COL18A1: variants seen among roughly 807,000 people sequenced by gnomAD.
The protein encoded by COL18A1 is collagen type XVIII alpha 1 chain, also known as collagen alpha-1(XVIII) chain.
In COL18A1, 133 loss-of-function variants were observed where a neutral mutation model predicts 168.0. The observed-to-expected ratio is 0.79, with a 90% CI of 0.69 to 0.91. The LOEUF is 0.91. Ranked by LOEUF, COL18A1 falls within the 40% of genes least tolerant of loss-of-function variation. The pLI is 0.00. For synonymous variants in COL18A1, 949 were observed against 809.0 expected (o/e 1.17, Z -2.94); for missense variants, 2,126 against 1,925.4 (o/e 1.10, Z -1.95).
rs1328402434 is a variant in COL18A1, at chr21:45,442,817, A to C, written c.107-25425A>C. On this transcript the variant is annotated intron_variant, in intron 2 of 41. Coordinates refer to ENST00000651438, the MANE Select transcript of COL18A1 (RefSeq NM_001379500.1). ...GCGGTGGTGGTGCTGGTGTGGGCGG[A>C]GGTCCTGGTGTGGGCGGCGGTCCTG... Among the ~76,000 whole-genome samples, 46 of 56,074 alleles carry C rather than the reference A, an allele frequency of 8.2e-4. 2 individuals are homozygous for C. The highest frequency in any genetic ancestry group is 2.3e-3 in the African/African-American group (32 of 14,054). 36.8% of individuals were successfully genotyped at this position (56,074 alleles called of 152,430 possible). A position where few individuals can be genotyped will look rare whatever the true frequency, so the allele number is the denominator to read the frequency against.
In COL18A1 at chr21:45,498,586, G is replaced by A. The variant is rs1206403545; in HGVS notation, c.2683+925G>A. 16 of 716,094 alleles carry A rather than the reference G, an allele frequency of 2.2e-5. No individual in the cohort carries two copies. The highest frequency in any genetic ancestry group is 4.0e-5 in the Admixed American group (2 of 49,962). The allele number at this position is 716,094 out of a possible 1,614,324, so 44.4% of individuals were successfully genotyped here. On this transcript the variant is annotated intron_variant, in intron 32 of 41. Coordinates refer to ENST00000651438, the MANE Select transcript of COL18A1 (RefSeq NM_001379500.1). This position sits in a 1 kb window ranked among gnomAD's most constrained non-coding sequence, Gnocchi z 4.5. ...GGAAGGGACCAGGCAGGCAGAGGCC[G>A]AGTCTGGGCCGGGACATCCTTAAGG...
rs1405963989 is a variant in COL18A1 at position 45,476,387 on chromosome 21, C to G, written c.835C>G (p.Pro279Ala). The G allele has an allele frequency of 1.2e-6, 2 of 1,614,152 alleles. No individual in the cohort carries two copies. The highest frequency in any genetic ancestry group is 4.5e-5 in the East Asian group (2 of 44,880). Residue 279 changes from proline (P) to alanine (A), a missense_variant, in exon 6 of 42, where the codon CCC becomes GCC. Physicochemically the swap from Pro to Ala is conservative, Grantham distance 27 (BLOSUM62 -1). Transcript: ENST00000651438. ...AAAACCCAGGCTCCCCGCGCCACCC[C>G]CCGTCACCACGCCACCCTTGGCTGG... ...ALKPRLPAPP[P>A]VTTPPLAGGS...
intron 2 of COL18A1, chr21:45,456,572 G>C: frequency 6.5e-7 from 1 of 1,544,764 alleles, no homozygotes; most frequent in Non-Finnish European, 8.7e-7. Flanking sequence ...CGGCCACCTG[G>C]GCATCTCACG....
chr21:45,432,871 C>T (rs4990561), intron 2 of COL18A1, among the ~76,000 whole-genome samples: 2,506 of 152,320 alleles, frequency 0.016, 57 homozygotes, highest in African/African-American at 0.049. Context: ...GCCTCACCCT[C>T]CACCCACAGA....
chr21:45,489,480 A>G lies in COL18A1; in HGVS notation c.1924-6A>G, dbSNP rs754111550. The stretch of plus-strand genomic sequence containing the variant: ...AGGTGCTCACGGAGCCCCTTTTTTC[A>G]CTTAGGGGGATCCTGGCGTGCCTGG... On this transcript the variant is annotated splice_region_variant and splice_polypyrimidine_tract_variant and intron_variant, in intron 18 of 41. Transcript: ENST00000651438. 4 of 1,598,656 alleles carry G rather than the reference A, an allele frequency of 2.5e-6. No individual in the cohort carries two copies. The highest frequency in any genetic ancestry group is 2.6e-6 in the Non-Finnish European group (3 of 1,172,694).
rs2145891114 is a variant in COL18A1 at position 45,468,675 on chromosome 21, T to C, written c.540T>C (p.Cys180=). 11 of 1,613,854 alleles carry C rather than the reference T, an allele frequency of 6.8e-6. No homozygotes were observed. The highest frequency in any genetic ancestry group is 9.3e-6 in the Non-Finnish European group (11 of 1,179,996). Residue 180 remains cysteine, a synonymous_variant, in exon 3 of 42, where the codon TGT becomes TGC. Coordinates refer to ENST00000651438, the MANE Select transcript of COL18A1 (RefSeq NM_001379500.1). ...GCTTTGTGGCCCTCTACGTGGACTGTGAGGAGTTCCAGAGAATGCCGCTTG... is the reference window on the plus strand; with the variant it reads ...GCTTTGTGGCCCTCTACGTGGACTGCGAGGAGTTCCAGAGAATGCCGCTTG... ...AGGFVALYVD[C]EEFQRMPLAR... is the part of the protein sequence containing the mutation.
chr21:45,512,412 G>T lies in COL18A1; in HGVS notation c.*14G>T, dbSNP rs757955547. 4 of 1,610,826 alleles carry T rather than the reference G, an allele frequency of 2.5e-6. No homozygotes were observed. The Admixed American group carries it at 6.7e-5, about 27-fold the overall frequency. On this transcript the variant is annotated 3_prime_UTR_variant, in exon 42 of 42. Transcript: ENST00000651438. ...GCCTCCAAGTAGCCACCGCCTGGAT[G>T]CGGATGGCCGGAGAGGACCGGCGGC...
chr21:45,468,276 C>T lies in COL18A1; in HGVS notation c.141C>T (p.Leu47=), dbSNP rs2145889783. The change falls in exon 3 of 42, where the codon CTC becomes CTT. Residue 47 remains leucine, a synonymous_variant. Transcript: ENST00000651438. ...GCGAGGAGGTGGGGCTGCTGCAGCT[C>T]CTTGGGGACCCCCCGCCCCAGCAGG... The part of the protein sequence containing the change: ...RISEEVGLLQ[L]LGDPPPQQVT... 3.1e-6 allele frequency: 5 copies of T among 1,613,154 alleles called. No homozygotes were observed. Among genetic ancestry groups the T allele is most frequent in the Non-Finnish European group, 4.2e-6 (5 of 1,180,030 alleles).
intron 2 of COL18A1, among the ~76,000 whole-genome samples, chr21:45,412,825 A>G (rs1247148502): frequency 6.6e-6 from 1 of 152,164 alleles, no homozygotes; most frequent in African/African-American, 2.4e-5. Flanking sequence ...GGAATTAGAG[A>G]TGCTTCTCAC....
chr21:45,453,221 T>G (rs1018788182), intron 2 of COL18A1, among the ~76,000 whole-genome samples: 2 of 152,238 alleles, frequency 1.3e-5, no homozygotes, highest in Non-Finnish European at 2.9e-5. Context: ...AGCATGTATG[T>G]ACATGTGTGT....
rs144821820 is a variant in COL18A1 at position 45,429,108 on chromosome 21, G to A, written c.106+23635G>A. 6.7e-3 allele frequency among the ~76,000 whole-genome samples: 1,024 copies of A among 151,906 alleles called. 4 individuals are homozygous for A. Among genetic ancestry groups the A allele is most frequent in the Admixed American group, 0.01 (153 of 15,258 alleles). ...AGTAGAGATGGGGTTTCATCATGTT[G>A]GCCAGGATGGTCTCGATCTTCCGAC... is the stretch of plus-strand genomic sequence containing the variant. On this transcript the variant is annotated intron_variant, in intron 2 of 41. Transcript: ENST00000651438.
Position 45,488,519 on chromosome 21 carries a change from C to T in COL18A1, c.1923+75C>T, listed in dbSNP as rs2036193035. The T allele has an allele frequency of 1.4e-5, 22 of 1,607,926 alleles. No individual in the cohort carries two copies. In the South Asian group the frequency reaches 2.0e-4, roughly 14 times the overall value. On this transcript the variant is annotated intron_variant, in intron 18 of 41. Coordinates refer to ENST00000651438, the MANE Select transcript of COL18A1 (RefSeq NM_001379500.1). Reference sequence around the variant, plus strand: ...CTCGACATCTTGGGGCTGGGGGAGACAGGGCCTTGCCTCGGGTTTTCTGAT... The same window carrying T: ...CTCGACATCTTGGGGCTGGGGGAGATAGGGCCTTGCCTCGGGTTTTCTGAT...
chr21:45,479,402 C>T (rs554245918), intron 9 of COL18A1, among the ~76,000 whole-genome samples: 165 of 152,036 alleles, frequency 1.1e-3, no homozygotes, highest in African/African-American at 3.3e-3. Flanking sequence ...ACATGCTACA[C>T]GCACGTGCAC....
rs1028447351 is a variant in COL18A1, at chr21:45,473,044, G to A, written c.652-851G>A. Among the ~76,000 whole-genome samples, 4 of 152,206 alleles carry A rather than the reference G, an allele frequency of 2.6e-5. No individual in the cohort carries two copies. Among genetic ancestry groups the A allele is most frequent in the South Asian group, 2.1e-4 (1 of 4,836 alleles). On this transcript the variant is annotated intron_variant, in intron 3 of 41. Coordinates refer to ENST00000651438, the MANE Select transcript of COL18A1 (RefSeq NM_001379500.1). This position sits in a 1 kb window ranked among gnomAD's most constrained non-coding sequence, Gnocchi z 4.0. Reference sequence around the variant, plus strand: ...AAATCTAGGCCAGGATGCAGAACCCGCAGTGCGGCCAGTGGAGCCCCTGGT... The same window carrying A: ...AAATCTAGGCCAGGATGCAGAACCCACAGTGCGGCCAGTGGAGCCCCTGGT...
At position 45,494,846 on chromosome 21, in the gene COL18A1, C is replaced by T. The variant is rs753594892; in HGVS notation, c.2380-16C>T. The T allele has an allele frequency of 1.5e-5, 24 of 1,604,604 alleles. No individual in the cohort carries two copies. Among genetic ancestry groups the T allele is most frequent in the South Asian group, 6.7e-5 (6 of 89,692 alleles). On this transcript the variant is annotated splice_polypyrimidine_tract_variant and intron_variant, in intron 27 of 41. Transcript: ENST00000651438. Reference sequence around the variant, plus strand: ...CAGGGTCTGCCCCACTAAGCCTGGCCCCCTTCCTCTTGCAGGGTCCATACG... The same window carrying T: ...CAGGGTCTGCCCCACTAAGCCTGGCTCCCTTCCTCTTGCAGGGTCCATACG...
At position 45,473,956 on chromosome 21, in the gene COL18A1, A is replaced by C; in HGVS notation, c.713A>C (p.Asp238Ala). 1 of 1,602,742 alleles carries C rather than the reference A, an allele frequency of 6.2e-7. No homozygotes were observed. Among genetic ancestry groups the C allele is most frequent in the South Asian group, 1.1e-5 (1 of 88,826 alleles). ...CAGGTGAGCCCCATGCACTGCCTGG[A>C]CGAGGAAGGCGATGACTCAGATGGG... Reference protein sequence around the residue: ...DPQVSPMHCLDEEGDDSDGAS... With the variant: ...DPQVSPMHCLAEEGDDSDGAS... The change falls in exon 4 of 42, where the codon GAC becomes GCC. Residue 238 changes from aspartate to alanine, a missense_variant. Asp to Ala is a moderately radical substitution (Grantham distance 126). Transcript: ENST00000651438. This position sits in a 1 kb window ranked among gnomAD's most constrained non-coding sequence, Gnocchi z 4.0.
intron 15 of COL18A1, among the ~76,000 whole-genome samples, chr21:45,486,637 T>G (rs2036123418): frequency 6.6e-6 from 1 of 152,226 alleles, no homozygotes; most frequent in Non-Finnish European, 1.5e-5. Flanking sequence ...CCCGACCAAG[T>G]TCGGGCTCCG....
rs982780114 is a variant in COL18A1, at chr21:45,456,654, GC to G, written c.107-11586del. The G allele has an allele frequency of 4.0e-5, 62 of 1,535,218 alleles. No homozygotes were observed. Among genetic ancestry groups the G allele is most frequent in the Non-Finnish European group, 5.0e-5 (57 of 1,144,658 alleles). On this transcript the variant is annotated intron_variant, in intron 2 of 41. Transcript: ENST00000651438. ...CGGGCCGGGGCACGGGCGTGGGGGGGCCTGCTGCAGACGCACTGCCACCCCT... is the reference window on the plus strand; with the variant it reads ...CGGGCCGGGGCACGGGCGTGGGGGGGCTGCTGCAGACGCACTGCCACCCCT...
chr21:45,497,722 T>C (rs2146015984), intron 32 of COL18A1, 61 bp downstream of exon 32: 1 of 1,547,024 alleles, frequency 6.5e-7, no homozygotes, highest in Non-Finnish European at 8.7e-7. Context: ...TGAAGTGTGG[T>C]CACACCTAGA....
Sources: gnomAD v4.1 joint callset for allele counts (sites outside exome capture counted in the v4.1 genomes callset) on GRCh38, gnomAD v4.1.1 for gene constraint, Gnocchi (gnomAD v3.1) non-coding constraint, MANE v1.5 for transcripts, NCBI Gene and HGNC (gene_info 2026-07-23, HGNC 2026-07-21) for gene names.